SGCD: variants seen among roughly 807,000 people sequenced by gnomAD.
SGCD encodes delta-sarcoglycan.
A neutral mutation model predicts 36.6 loss-of-function variants in SGCD; 18 were observed. The ratio of observed to expected loss-of-function variants is 0.49; its 90% CI spans 0.34 to 0.73. The LOEUF (loss-of-function observed/expected upper bound fraction) is 0.73. Ranked by LOEUF, SGCD falls within the 30% of genes least tolerant of loss-of-function variation. SGCD has a pLI of 0.01. For missense variants in SGCD, 387 were observed against 346.7 expected (o/e 1.12, Z -0.92); for synonymous variants, 133 against 130.6 (o/e 1.02, Z -0.12).
intron 3 of SGCD, among the ~76,000 whole-genome samples, chr5:156,146,158 A>G (rs1762707064): frequency 2.6e-5 from 4 of 152,196 alleles, no homozygotes. Flanking sequence ...GCTTGCAGTG[A>G]GCTGAGATAG....
At chr5:156,198,897 T>C (rs891028020) in intron 3 of SGCD, among the ~76,000 whole-genome samples, 7 of 152,056 alleles carry the variant, frequency 4.6e-5, no homozygotes. Context: ...AATCTTGCTA[T>C]GTTGCCTTGG....
In SGCD at chr5:156,105,894, C is replaced by T. The variant is rs963809700; in HGVS notation, c.-281-11984C>T. ...TTGGGAGGCCAAGGCGGGTGGATAA[C>T]GAGATCAGGAGTTCAAGACCTGCCT... On this transcript the variant is annotated intron_variant, in intron 1 of 9. Coordinates refer to the SGCD transcript ENST00000517913. 2.6e-5 allele frequency among the ~76,000 whole-genome samples: 4 copies of T among 151,634 alleles called. No homozygotes were observed. The South Asian group carries it at 6.2e-4, about 24-fold the overall frequency.
rs544180549 is a variant in SGCD, at chr5:156,263,612, T to C, written c.-43-65922T>C. ...TTTTTAGTTTAATTAAGTTCCTATT[T>C]AACGCTGTTTTTGTTGCATTTGCTT... is the stretch of plus-strand genomic sequence containing the variant. On this transcript the variant is annotated intron_variant, in intron 3 of 9. Transcript: ENST00000517913. 3.9e-5 allele frequency among the ~76,000 whole-genome samples: 6 copies of C among 152,232 alleles called. No individual in the cohort carries two copies. In the South Asian group the frequency reaches 1.2e-3, roughly 32 times the overall value.
chr5:156,483,965 T>A lies in SGCD; in HGVS notation c.193-24636T>A, dbSNP rs149894164. Among the ~76,000 whole-genome samples, 120 of 152,304 alleles carry A rather than the reference T, an allele frequency of 7.9e-4. 2 individuals are homozygous for A. The highest frequency in any genetic ancestry group is 2.8e-3 in the African/African-American group (117 of 41,572). On this transcript the variant is annotated intron_variant, in intron 3 of 8. Transcript: ENST00000337851. Reference sequence around the variant, plus strand: ...TGTTAAAGGTTTCAGGATTTGAAGGTTAATCTGCAGCAGCAGAAGGAAACT... The same window carrying A: ...TGTTAAAGGTTTCAGGATTTGAAGGATAATCTGCAGCAGCAGAAGGAAACT...
chr5:155,789,091 A>G, the SGCD span, among the ~76,000 whole-genome samples: 3 of 152,170 alleles, frequency 2.0e-5, no homozygotes, highest in Non-Finnish European at 2.9e-5. Flanking sequence ...TTGATAATTC[A>G]GGTAGGCAAG....
chr5:156,459,085 A>G (rs1754374747), intron 3 of SGCD, among the ~76,000 whole-genome samples: 1 of 152,170 alleles, frequency 6.6e-6, no homozygotes, highest in Non-Finnish European at 1.5e-5. Flanking sequence ...GTGAAGGGAA[A>G]AAAAATCACC....
At chr5:155,767,267 C>T in the SGCD span, among the ~76,000 whole-genome samples, 1 of 152,198 alleles carries the variant, frequency 6.6e-6, no homozygotes, top group Non-Finnish European at 1.5e-5. Flanking sequence ...GGAGGACCCT[C>T]CATGGGGCGG....
intron 1 of SGCD, among the ~76,000 whole-genome samples, chr5:155,940,719 C>A (rs1322444829): frequency 6.6e-6 from 1 of 152,020 alleles, no homozygotes; most frequent in Admixed American, 6.6e-5. Context: ...GTGGCACATG[C>A]CTGTAATCCT....
intron 3 of SGCD, among the ~76,000 whole-genome samples, chr5:156,449,232 T>A (rs990435637): frequency 5.3e-5 from 8 of 152,094 alleles, no homozygotes; most frequent in Non-Finnish European, 1.2e-4. Context: ...GCATCTGCGA[T>A]CAGGTAAGTT....
chr5:156,073,950 A>T (rs1760681193), intron 1 of SGCD, among the ~76,000 whole-genome samples: 1 of 152,216 alleles, frequency 6.6e-6, no homozygotes, highest in Non-Finnish European at 1.5e-5. Flanking sequence ...GAGCCATTTC[A>T]TGGAAGAAGG....
At chr5:156,173,028 C>G (rs1247619084) in intron 3 of SGCD, among the ~76,000 whole-genome samples, 1 of 151,970 alleles carries the variant, frequency 6.6e-6, no homozygotes, top group Non-Finnish European at 1.5e-5. Flanking sequence ...CATGGATTAA[C>G]ATAAATTTTT....
At chr5:156,132,253 G>T (rs536699263) in intron 3 of SGCD, among the ~76,000 whole-genome samples, 1 of 152,116 alleles carries the variant, frequency 6.6e-6, no homozygotes, top group African/African-American at 2.4e-5. Flanking sequence ...GTGTGTGTGT[G>T]TGTTTGTGTG....
intron 1 of SGCD, among the ~76,000 whole-genome samples, chr5:156,072,611 G>A (rs984395170): frequency 6.6e-6 from 1 of 152,008 alleles, no homozygotes; most frequent in Non-Finnish European, 1.5e-5. Context: ...TATGTGTCTT[G>A]GAGTTGTTCT....
chr5:155,754,916 A>G, the SGCD span, among the ~76,000 whole-genome samples: 2 of 152,168 alleles, frequency 1.3e-5, no homozygotes, highest in Non-Finnish European at 2.9e-5. Context: ...TTCCAGATAC[A>G]AATGCTGGCT....
chr5:156,640,938 G>T (rs1043847223), intron 6 of SGCD, among the ~76,000 whole-genome samples: 1 of 152,156 alleles, frequency 6.6e-6, no homozygotes, highest in East Asian at 1.9e-4. Flanking sequence ...TTACTTTCTA[G>T]CATCTGTGTA....
At chr5:156,216,823 C>G (rs1032229542) in intron 3 of SGCD, among the ~76,000 whole-genome samples, 16 of 152,116 alleles carry the variant, frequency 1.1e-4, no homozygotes, top group African/African-American at 3.9e-4. Context: ...TCACGCCTGT[C>G]ATCCCAGCAC....
the SGCD span, among the ~76,000 whole-genome samples, chr5:155,739,812 A>G: frequency 7.3e-6 from 1 of 136,686 alleles, no homozygotes; most frequent in Non-Finnish European, 1.7e-5. Context: ...AAGTTTTAAA[A>G]CTTGCTGGGA....
At chr5:155,765,870 G>T in the SGCD span, among the ~76,000 whole-genome samples, 1 of 152,114 alleles carries the variant, frequency 6.6e-6, no homozygotes, top group African/African-American at 2.4e-5. Flanking sequence ...GGTTGGCGAA[G>T]CTGAACTCAC....
chr5:156,219,103 C>T (rs773764406), intron 3 of SGCD, among the ~76,000 whole-genome samples: 17 of 151,956 alleles, frequency 1.1e-4, no homozygotes, highest in African/African-American at 1.9e-4. Flanking sequence ...TTTTTTGTAC[C>T]GCTACTCAGT....
Sources: allele counts gnomAD v4.1 joint callset (sites outside exome capture counted in the v4.1 genomes callset), GRCh38; gene constraint gnomAD v4.1.1; transcripts MANE v1.5; gene names NCBI Gene and HGNC (gene_info 2026-07-23, HGNC 2026-07-21).